Variants in TRAPPC8 observed in about 807,000 individuals in gnomAD.
TRAPPC8 encodes the protein trafficking protein particle complex subunit 8.
A neutral mutation model predicts 174.3 loss-of-function variants in TRAPPC8; 54 were observed. That is an observed-to-expected ratio of 0.31 (90% CI 0.25 to 0.39). TRAPPC8 has a LOEUF of 0.39. Among genes scored for constraint, TRAPPC8 ranks in the 10% least tolerant of loss-of-function variants. TRAPPC8 has a pLI of 1.00. For synonymous variants in TRAPPC8, 630 were observed against 579.9 expected (o/e 1.09, Z -1.24); for missense variants, 1,531 against 1,699.1 (o/e 0.90, Z 1.74).
At chr18:31,868,167 T>A (rs1444823906) in intron 16 of TRAPPC8, among the ~76,000 whole-genome samples, 1 of 152,168 alleles carries the variant, frequency 6.6e-6, no homozygotes, top group East Asian at 1.9e-4. Context: ...TCTGGTCATG[T>A]AGCAAAGCAG....
intron 11 of TRAPPC8, chr18:31,891,086 C>T (rs72930229): frequency 0.012 from 3,168 of 272,342 alleles, 27 homozygotes; most frequent in Non-Finnish European, 0.017. Flanking sequence ...AAATACTTAG[C>T]TTTTCATAAA....
intron 9 of TRAPPC8, among the ~76,000 whole-genome samples, chr18:31,903,056 AAAAAAG>A (rs1368447610): frequency 6.6e-6 from 1 of 151,552 alleles, no homozygotes; most frequent in Non-Finnish European, 1.5e-5. Flanking sequence ...CAAAAAAAAA[AAAAAAG>A]AAAATAGCCC....
intron 12 of TRAPPC8, among the ~76,000 whole-genome samples, chr18:31,877,309 C>T (rs1332493000): frequency 6.6e-6 from 1 of 152,098 alleles, no homozygotes; most frequent in East Asian, 1.9e-4. Flanking sequence ...GTGGTGGCTC[C>T]ATCACAGCTA....
At chr18:31,931,699 G>A (rs2037852773) in intron 1 of TRAPPC8, among the ~76,000 whole-genome samples, 176 bp from the exon 2 acceptor site, 1 of 152,132 alleles carries the variant, frequency 6.6e-6, no homozygotes, top group East Asian at 1.9e-4. Flanking sequence ...ATACCAAAAG[G>A]GCTAGCTAGA....
chr18:31,909,584 C>G, intron 6 of TRAPPC8, 83 bp downstream of exon 6: 1 of 1,493,314 alleles, frequency 6.7e-7, no homozygotes, highest in East Asian at 2.5e-5. Flanking sequence ...TTTCCCCCAT[C>G]TTTTATCTAT....
intron 16 of TRAPPC8, among the ~76,000 whole-genome samples, chr18:31,868,876 A>C (rs1305195756): frequency 6.6e-6 from 1 of 151,908 alleles, no homozygotes; most frequent in Non-Finnish European, 1.5e-5. Context: ...CTAATTTTTA[A>C]ATTTTTGTAG....
At chr18:31,853,433 A>G (rs370002572) in intron 22 of TRAPPC8, among the ~76,000 whole-genome samples, 3 of 151,986 alleles carry the variant, frequency 2.0e-5, no homozygotes, top group East Asian at 1.9e-4. Context: ...ACGCCCAGCT[A>G]ATTTTTGTAG....
At position 31,931,491 on chromosome 18, in the gene TRAPPC8, C is replaced by T. The variant is rs749991043; in HGVS notation, c.190G>A (p.Val64Ile). ...ACTGCTATCTTCAAATTTTTAATTA[C>T]GTGAAGTTGATTATTAGGATCTCTC... ...HMRDPNNQLH[V>I]IKNLKIAVSN... Residue 64 changes from valine to isoleucine, a missense_variant, in exon 2 of 29, where the codon GTA becomes ATA. Physicochemically the swap from Val to Ile is conservative, Grantham distance 29. Coordinates refer to ENST00000283351, the MANE Select transcript of TRAPPC8 (RefSeq NM_014939.5). 1.4e-5 allele frequency: 23 copies of T among 1,601,010 alleles called. No individual in the cohort carries two copies. In the East Asian group the frequency reaches 1.6e-4, roughly 11 times the overall value.
chr18:31,890,989 T>G, intron 11 of TRAPPC8, 123 bp from the exon 12 acceptor site: 1 of 867,536 alleles, frequency 1.2e-6, no homozygotes. Flanking sequence ...TAAGAGTATA[T>G]GAGGGCAAAG....
Position 31,836,120 on chromosome 18 carries a change from T to C in TRAPPC8, c.3983+3192A>G, listed in dbSNP as rs529632157. Among the ~76,000 whole-genome samples the C allele has an allele frequency of 5.3e-5, 8 of 152,316 alleles. No individual in the cohort carries two copies. In the East Asian group the frequency reaches 1.4e-3, roughly 26 times the overall value. ...TTGTGGCAACAATGACTAATAGAGA[T>C]GGACATGGGTATGATCTGCAGACAT... On this transcript the variant is annotated intron_variant, in intron 27 of 28. Transcript: ENST00000283351.
At chr18:31,934,642 C>A (rs1401498183) in intron 1 of TRAPPC8, among the ~76,000 whole-genome samples, 1 of 152,032 alleles carries the variant, frequency 6.6e-6, no homozygotes, top group Non-Finnish European at 1.5e-5. Flanking sequence ...TCAAGGCGGG[C>A]GGATCACCAG....
intron 2 of TRAPPC8, among the ~76,000 whole-genome samples, chr18:31,928,502 T>A (rs551252632): frequency 1.6e-3 from 250 of 151,986 alleles, no homozygotes; most frequent in African/African-American, 5.9e-3. Context: ...AGCCTTAGGG[T>A]GATAGAGTAA....
Position 31,874,352 on chromosome 18 carries a change from C to T in TRAPPC8, c.1953+128G>A, listed in dbSNP as rs73954908. On this transcript the variant is annotated intron_variant, in intron 13 of 28. Transcript: ENST00000283351. The stretch of plus-strand genomic sequence containing the variant: ...TCTATAGCCAAAAAGCCTAGCCTGC[C>T]ACAGCTTTTTTATGACTGATAACTA... 2,349 of 1,002,184 alleles carry T rather than the reference C, an allele frequency of 2.3e-3. 34 individuals carry two copies. The African/African-American group carries it at 0.035, about 15-fold the overall frequency. 62.1% of individuals were successfully genotyped at this position (1,002,184 alleles called of 1,614,324 possible). A position where few individuals can be genotyped will look rare whatever the true frequency, so the allele number is the denominator to read the frequency against.
At position 31,830,453 on chromosome 18, in the gene TRAPPC8, G is replaced by C. The variant is rs962263623; in HGVS notation, c.*302C>G. 6.5e-5 allele frequency: 19 copies of C among 292,054 alleles called. No individual in the cohort carries two copies. Among genetic ancestry groups the C allele is most frequent in the African/African-American group, 3.9e-4 (18 of 45,702 alleles). 18.1% of individuals were successfully genotyped at this position (292,054 alleles called of 1,614,324 possible). A position where few individuals can be genotyped will look rare whatever the true frequency, so the allele number is the denominator to read the frequency against. ...AATATTCGTATACCATTGACAAGTTGTAACAGCAGACTTAGACTTTGTGTT... is the reference window on the plus strand; with the variant it reads ...AATATTCGTATACCATTGACAAGTTCTAACAGCAGACTTAGACTTTGTGTT... On this transcript the variant is annotated 3_prime_UTR_variant, in exon 29 of 29. Coordinates refer to ENST00000283351, the MANE Select transcript of TRAPPC8 (RefSeq NM_014939.5).
At chr18:31,935,037 T>C (rs2038021644) in intron 1 of TRAPPC8, among the ~76,000 whole-genome samples, 1 of 151,714 alleles carries the variant, frequency 6.6e-6, no homozygotes, top group Non-Finnish European at 1.5e-5. Flanking sequence ...ACCCAGCATA[T>C]AAAACTGTAC....
In TRAPPC8 at chr18:31,857,112, A is replaced by G. The variant is rs559150582; in HGVS notation, c.3188+428T>C. Among the ~76,000 whole-genome samples, 5 of 152,286 alleles carry G rather than the reference A, an allele frequency of 3.3e-5. No homozygotes were observed. In the South Asian group the frequency reaches 1.0e-3, roughly 32 times the overall value. On this transcript the variant is annotated intron_variant, in intron 20 of 28. Transcript: ENST00000283351. ...CTTCTGTAAATATGTACTGTTTTTC[A>G]TACATTCTTGTGGGGCAAGGGGGAA...
At position 31,890,721 on chromosome 18, in the gene TRAPPC8, G is replaced by GA; in HGVS notation, c.1728+13_1728+14insT. Reference sequence around the variant, plus strand: ...ATAAATAGCAACTTTTCATTGTAAAGCAAATGCACTCACCTGCCCTGCTTT... The same window carrying GA: ...ATAAATAGCAACTTTTCATTGTAAAGACAAATGCACTCACCTGCCCTGCTTT... On this transcript the variant is annotated intron_variant, in intron 12 of 28. Transcript: ENST00000283351. 1 of 1,597,316 alleles carries GA rather than the reference G, an allele frequency of 6.3e-7. No homozygotes were observed. The highest frequency in any genetic ancestry group is 8.5e-7 in the Non-Finnish European group (1 of 1,173,608).
intron 2 of TRAPPC8, among the ~76,000 whole-genome samples, chr18:31,927,133 G>A (rs186523601): frequency 1.2e-3 from 187 of 152,072 alleles, no homozygotes; most frequent in Non-Finnish European, 2.3e-3. Flanking sequence ...TTTGAGGCAG[G>A]GTCTTGCTCT....
rs529252458 is a variant in TRAPPC8, at chr18:31,838,487, A to G, written c.3983+825T>C. Among the ~76,000 whole-genome samples the G allele has an allele frequency of 2.0e-5, 3 of 152,280 alleles. No individual in the cohort carries two copies. The South Asian group carries it at 6.2e-4, about 32-fold the overall frequency. On this transcript the variant is annotated intron_variant, in intron 27 of 28. Transcript: ENST00000283351. ...TCTTCAAGACCACAAACATGCCTATATCGTACCTAGTAAGAACAGATACTC... is the reference window on the plus strand; with the variant it reads ...TCTTCAAGACCACAAACATGCCTATGTCGTACCTAGTAAGAACAGATACTC...
Sources: gnomAD v4.1 joint callset for allele counts (sites outside exome capture counted in the v4.1 genomes callset) on GRCh38, gnomAD v4.1.1 for gene constraint, MANE v1.5 for transcripts, NCBI Gene and HGNC (gene_info 2026-07-23, HGNC 2026-07-21) for gene names.